Variants in LMNTD1 observed in about 807,000 individuals in gnomAD.
LMNTD1 encodes the protein lamin tail domain containing 1.
Under a neutral mutation model 50.9 loss-of-function variants are expected in LMNTD1, and 35 were observed. That is an observed-to-expected ratio of 0.69 (90% CI 0.53 to 0.91). The LOEUF is 0.91. Among genes scored for constraint, LMNTD1 ranks in the 40% least tolerant of loss-of-function variants. The pLI is 0.00. For synonymous variants in LMNTD1, 153 were observed against 161.9 expected (o/e 0.94, Z 0.42); for missense variants, 470 against 475.5 (o/e 0.99, Z 0.11).
At chr12:25,569,793 C>T (rs866730187) in intron 1 of LMNTD1, among the ~76,000 whole-genome samples, 6 of 152,168 alleles carry the variant, frequency 3.9e-5, no homozygotes, top group Admixed American at 2.6e-4. Flanking sequence ...CTTTGCCTTC[C>T]ACCATGATTG....
At chr12:25,598,544 C>T (rs928872499) in intron 1 of LMNTD1, among the ~76,000 whole-genome samples, 1 of 151,426 alleles carries the variant, frequency 6.6e-6, no homozygotes, top group African/African-American at 2.4e-5. Flanking sequence ...GAAAACAATA[C>T]AGAAGATCAA....
chr12:25,501,961 G>C (rs61732189), intron 9 of LMNTD1, among the ~76,000 whole-genome samples: 23 of 152,150 alleles, frequency 1.5e-4, no homozygotes, highest in South Asian at 2.1e-4. Context: ...TACCACCAGA[G>C]GGGGGTGGGA....
chr12:25,500,783 T>A (rs1437237693), intron 9 of LMNTD1, among the ~76,000 whole-genome samples: 2 of 152,200 alleles, frequency 1.3e-5, no homozygotes, highest in Non-Finnish European at 2.9e-5. Flanking sequence ...AAAGTTCTGT[T>A]TCTGTGGCAT....
intron 1 of LMNTD1, among the ~76,000 whole-genome samples, chr12:25,625,811 C>T (rs945529355): frequency 2.6e-5 from 4 of 152,192 alleles, no homozygotes; most frequent in Admixed American, 1.3e-4. Flanking sequence ...GCTGGAGAGA[C>T]AACCCCAGAG....
At chr12:25,563,807 C>G (rs919890361) in intron 1 of LMNTD1, among the ~76,000 whole-genome samples, 1 of 152,208 alleles carries the variant, frequency 6.6e-6, no homozygotes, top group South Asian at 2.1e-4. Flanking sequence ...TTTGAGCTTT[C>G]AGGCCGCTTT....
chr12:25,566,426 G>A (rs1319780394), intron 1 of LMNTD1, among the ~76,000 whole-genome samples: 1 of 152,202 alleles, frequency 6.6e-6, no homozygotes, highest in Non-Finnish European at 1.5e-5. Context: ...AAATACGGAA[G>A]TGCAAGTATC....
At chr12:25,609,881 T>C (rs919327460) in intron 1 of LMNTD1, among the ~76,000 whole-genome samples, 4 of 152,204 alleles carry the variant, frequency 2.6e-5, no homozygotes, top group African/African-American at 9.6e-5. Flanking sequence ...TTCAGAGCTG[T>C]CAGACAGGGA....
At chr12:25,528,084 C>T (rs1420766263) in intron 4 of LMNTD1, among the ~76,000 whole-genome samples, 1 of 151,996 alleles carries the variant, frequency 6.6e-6, no homozygotes, top group Non-Finnish European at 1.5e-5. Flanking sequence ...ATGTAAGTCC[C>T]CAAGTATTTT....
At chr12:25,591,185 G>A (rs1251533636) in intron 1 of LMNTD1, among the ~76,000 whole-genome samples, 1 of 152,204 alleles carries the variant, frequency 6.6e-6, no homozygotes, top group African/African-American at 2.4e-5. Flanking sequence ...GCCAGAGTGG[G>A]TTACCAGGCA....
At chr12:25,520,490 G>T (rs561835244) in intron 6 of LMNTD1, among the ~76,000 whole-genome samples, 2 of 152,108 alleles carry the variant, frequency 1.3e-5, no homozygotes, top group South Asian at 2.1e-4. Context: ...TTTTCTTTCT[G>T]TGTCTGACTT....
intron 4 of LMNTD1, among the ~76,000 whole-genome samples, chr12:25,537,503 G>T (rs528741349): frequency 2.6e-5 from 4 of 152,082 alleles, no homozygotes; most frequent in Admixed American, 2.6e-4. Flanking sequence ...CAGACCTGCA[G>T]CTGAGGGTCC....
chr12:25,602,360 A>G (rs889725842), intron 1 of LMNTD1, among the ~76,000 whole-genome samples: 2 of 151,968 alleles, frequency 1.3e-5, no homozygotes, highest in East Asian at 1.9e-4. Context: ...CTTGACCCAC[A>G]TTGTATTGAC....
chr12:25,588,756 TG>T (rs1251961627), intron 1 of LMNTD1, among the ~76,000 whole-genome samples: 3 of 152,166 alleles, frequency 2.0e-5, no homozygotes, highest in African/African-American at 7.2e-5. Context: ...AGATGTTTTA[TG>T]TATTTTTGCA....
chr12:25,527,088 G>GGC, intron 4 of LMNTD1, 133 bp from the exon 5 acceptor site: 1 of 531,590 alleles, frequency 1.9e-6, no homozygotes, highest in East Asian at 3.1e-5. Flanking sequence ...TTCTATATAG[G>GGC]AATAGTATAT....
At chr12:25,493,126 C>T (rs534599049) in intron 9 of LMNTD1, among the ~76,000 whole-genome samples, 1 of 152,134 alleles carries the variant, frequency 6.6e-6, no homozygotes, top group South Asian at 2.1e-4. Context: ...TGTTGTAGTA[C>T]TTCTATGATT....
intron 6 of LMNTD1, among the ~76,000 whole-genome samples, chr12:25,524,865 G>T (rs1209079427): frequency 6.6e-6 from 1 of 152,106 alleles, no homozygotes; most frequent in East Asian, 1.9e-4. Flanking sequence ...GTGGGTGAAG[G>T]CTGCTAAGTT....
chr12:25,528,833 C>T (rs1942007407), intron 4 of LMNTD1, among the ~76,000 whole-genome samples: 1 of 152,100 alleles, frequency 6.6e-6, no homozygotes, highest in Admixed American at 6.6e-5. Flanking sequence ...CCAACTTCTC[C>T]CTCTGGACTA....
rs1374712665 is a variant in LMNTD1 at position 25,520,056 on chromosome 12, G to A, written c.818C>T (p.Pro273Leu). ...TTCCCACGCTTGCTTCCAGTGGATA[G>A]GGGTGTACCACGCAATGGCCTAATG... ...PNGQAIAWYT[P>L]IHWKQAWEKL... Residue 273 changes from proline to leucine, a missense_variant, in exon 7 of 10, where the codon CCT becomes CTT. Transcript: ENST00000458174. 1.9e-6 allele frequency: 3 copies of A among 1,610,954 alleles called. No individual in the cohort carries two copies. Among genetic ancestry groups the A allele is most frequent in the South Asian group, 2.2e-5 (2 of 90,934 alleles).
rs1237388045 is a variant in LMNTD1, at chr12:25,503,765, G to T, written c.1225C>A (p.Gln409Lys). The T allele has an allele frequency of 1.9e-6, 3 of 1,584,290 alleles. No individual in the cohort carries two copies. Among genetic ancestry groups the T allele is most frequent in the Non-Finnish European group, 2.6e-6 (3 of 1,162,398 alleles). Residue 409 changes from glutamine to lysine, a missense_variant, in exon 9 of 10, where the codon CAA (glutamine) becomes AAA (lysine). Physicochemically the swap from Gln to Lys is moderately conservative, Grantham distance 53 (BLOSUM62 1). Coordinates refer to ENST00000458174, the MANE Select transcript of LMNTD1 (RefSeq NM_001145728.2). ...TTAAAGGTTGAGTTGACTGCTTATT[G>T]CTTTTGTGACTCAGATGTCTTCTTT... ...KKKKTSESQK[Q>K]
Sources: allele counts gnomAD v4.1 joint callset (sites outside exome capture counted in the v4.1 genomes callset), GRCh38; gene constraint gnomAD v4.1.1; transcripts MANE v1.5; gene names NCBI Gene and HGNC (gene_info 2026-07-23, HGNC 2026-07-21).